NAMPT: variants seen among roughly 807,000 people sequenced by gnomAD.
NAMPT encodes nicotinamide phosphoribosyltransferase.
In NAMPT, 7 loss-of-function variants were observed where a neutral mutation model predicts 58.7. The observed-to-expected ratio is 0.12, with a 90% CI of 0.07 to 0.22. NAMPT has a LOEUF of 0.22. Among genes scored for constraint, NAMPT ranks in the 10% least tolerant of loss-of-function variants. The pLI is 1.00. For missense variants in NAMPT, 271 were observed against 567.9 expected, an observed-to-expected ratio of 0.48 and a Z score of 5.31; for synonymous variants, 145 against 198.1, an observed-to-expected ratio of 0.73 and a Z score of 2.25.
chr7:106,250,862 G>A lies in NAMPT; in HGVS notation c.*221C>T, dbSNP rs1377666148. ...GATTGAATGACTACCTATTGGCAAA[G>A]GGCCCTAAAAAGCTTACTTTAGCAC... is the stretch of plus-strand genomic sequence containing the variant. On this transcript the variant is annotated 3_prime_UTR_variant, in exon 11 of 11. Transcript: ENST00000222553. 6.0e-6 allele frequency: 3 copies of A among 499,870 alleles called. No individual in the cohort carries two copies. In the African/African-American group the frequency reaches 6.1e-5, roughly 10 times the overall value. The allele number at this position is 499,870 out of a possible 1,614,324, so 31.0% of individuals were successfully genotyped here.
At chr7:106,256,041 A>G (rs1177017839) in intron 8 of NAMPT, among the ~76,000 whole-genome samples, 3 of 152,214 alleles carry the variant, frequency 2.0e-5, no homozygotes, top group Non-Finnish European at 2.9e-5. Flanking sequence ...ATTTGGAGTT[A>G]AAGTGAATTT....
chr7:106,255,986 T>C (rs570555357), intron 8 of NAMPT, among the ~76,000 whole-genome samples: 119 of 152,338 alleles, frequency 7.8e-4, no homozygotes, highest in Non-Finnish European at 1.4e-3. Context: ...CATATCACTG[T>C]ATTTCAGGCC....
At chr7:106,257,654 C>T (rs1792226708) in intron 8 of NAMPT, among the ~76,000 whole-genome samples, 1 of 151,644 alleles carries the variant, frequency 6.6e-6, no homozygotes, top group Non-Finnish European at 1.5e-5. Flanking sequence ...ACATACATTC[C>T]TAAAGTTTAT....
intron 9 of NAMPT, 147 bp downstream of exon 9, chr7:106,254,217 C>T: frequency 7.7e-6 from 6 of 782,532 alleles, no homozygotes; most frequent in South Asian, 2.0e-5. Flanking sequence ...CCCTTCTTTC[C>T]TTGTTTCTGA....
At position 106,272,697 on chromosome 7, in the gene NAMPT, T is replaced by C. The variant is rs375886800; in HGVS notation, c.319-39A>G. On this transcript the variant is annotated intron_variant, in intron 3 of 10. Transcript: ENST00000222553. ...ATGATAAATTTATTTATTCAACAGATGATACTCAATTCCCTGCTGTTTTAC... is the reference window on the plus strand; with the variant it reads ...ATGATAAATTTATTTATTCAACAGACGATACTCAATTCCCTGCTGTTTTAC... 535 of 1,604,908 alleles carry C rather than the reference T, an allele frequency of 3.3e-4. 5 individuals are homozygous for C. The South Asian group carries it at 5.6e-3, about 17-fold the overall frequency.
At chr7:106,256,332 C>A (rs73720616) in intron 8 of NAMPT, among the ~76,000 whole-genome samples, 9,160 of 152,300 alleles carry the variant, frequency 0.06, 439 homozygotes, top group African/African-American at 0.13. Flanking sequence ...TTTACACTGT[C>A]AACCTCATGG....
intron 2 of NAMPT, 156 bp from the exon 3 acceptor site, chr7:106,275,205 C>T: frequency 2.3e-6 from 1 of 442,078 alleles, no homozygotes; most frequent in Non-Finnish European, 4.1e-6. Context: ...ACAGCAGAGT[C>T]AGAAAAGGAA....
chr7:106,256,769 T>C (rs1792208950), intron 8 of NAMPT, among the ~76,000 whole-genome samples: 1 of 152,216 alleles, frequency 6.6e-6, no homozygotes, highest in African/African-American at 2.4e-5. Flanking sequence ...TAAATGCATT[T>C]TCCACTTAAC....
intron 1 of NAMPT, 50 bp from the exon 2 acceptor site, chr7:106,277,229 A>T: frequency 7.0e-7 from 1 of 1,436,620 alleles, no homozygotes; most frequent in South Asian, 1.2e-5. Flanking sequence ...AGTAGACTAT[A>T]AATCACAACA....
At chr7:106,262,696 T>C (rs1337473795) in intron 7 of NAMPT, among the ~76,000 whole-genome samples, 4 of 152,168 alleles carry the variant, frequency 2.6e-5, no homozygotes, top group Non-Finnish European at 5.9e-5. Flanking sequence ...TTATCTTTCA[T>C]GTTGTGTGAC....
chr7:106,264,619 T>C (rs1179650715), intron 6 of NAMPT, among the ~76,000 whole-genome samples: 1 of 152,040 alleles, frequency 6.6e-6, no homozygotes, highest in Non-Finnish European at 1.5e-5. Flanking sequence ...GCTCAACCTG[T>C]GTAAATATTT....
In NAMPT at chr7:106,277,274, C is replaced by G. The variant is rs537194345; in HGVS notation, c.58-95G>C. ...TGAAGTTATTTCAAAACCAGAGAAA[C>G]TATATTTCTTGTTTGCTATTAACCA... On this transcript the variant is annotated intron_variant, in intron 1 of 10. Coordinates refer to ENST00000222553, the MANE Select transcript of NAMPT (RefSeq NM_005746.3). 2.8e-6 allele frequency: 3 copies of G among 1,061,554 alleles called. No homozygotes were observed. In the African/African-American group the frequency reaches 4.8e-5, roughly 17 times the overall value. The allele number at this position is 1,061,554 out of a possible 1,614,324, so 65.8% of individuals were successfully genotyped here. A position where few individuals can be genotyped will look rare whatever the true frequency, so the allele number is the denominator to read the frequency against.
Position 106,284,667 on chromosome 7 carries a change from C to T in NAMPT, c.57+161G>A, listed in dbSNP as rs927893054. ...GCCCACTGCGGCGCCTCCTCACCTG[C>T]CCCAGCCGCCGCCGCCCGCGCCTCC... On this transcript the variant is annotated intron_variant, in intron 1 of 10. Coordinates refer to ENST00000222553, the MANE Select transcript of NAMPT (RefSeq NM_005746.3). The T allele has an allele frequency of 1.1e-4, 94 of 850,202 alleles. No individual in the cohort carries two copies. In the African/African-American group the frequency reaches 1.5e-3, roughly 13 times the overall value. The allele number at this position is 850,202 out of a possible 1,614,324, so 52.7% of individuals were successfully genotyped here. A position where few individuals can be genotyped will look rare whatever the true frequency, so the allele number is the denominator to read the frequency against.
upstream of NAMPT, chr7:106,285,390 A>G: frequency 4.4e-6 from 2 of 457,904 alleles, no homozygotes; most frequent in Non-Finnish European, 5.8e-6. Flanking sequence ...TGCCAGTGCC[A>G]CGAGGAGCCG....
At chr7:106,279,739 T>C (rs907186534) in intron 1 of NAMPT, among the ~76,000 whole-genome samples, 3 of 152,102 alleles carry the variant, frequency 2.0e-5, no homozygotes, top group Admixed American at 1.3e-4. Flanking sequence ...AAAGGACTAA[T>C]AAGGGCTGAA....
intron 8 of NAMPT, among the ~76,000 whole-genome samples, chr7:106,258,159 C>T (rs976823781): frequency 1.3e-5 from 2 of 152,188 alleles, no homozygotes; most frequent in Admixed American, 6.5e-5. Flanking sequence ...ATTCCCACTT[C>T]TCTTAAGCAA....
chr7:106,285,692 C>T, upstream of NAMPT: 4 of 619,496 alleles, frequency 6.5e-6, no homozygotes, highest in Non-Finnish European at 8.1e-6. Context: ...ACTCCGCTTT[C>T]CTCCGGCGGC....
intron 2 of NAMPT, chr7:106,275,346 G>A (rs1207349717): frequency 5.6e-6 from 1 of 178,736 alleles, no homozygotes; most frequent in Non-Finnish European, 1.2e-5. Context: ...ATTAATTTTG[G>A]TACTTTTCAA....
At chr7:106,267,864 A>C (rs796391599) in intron 6 of NAMPT, among the ~76,000 whole-genome samples, 24 of 135,298 alleles carry the variant, frequency 1.8e-4, no homozygotes, top group African/African-American at 6.8e-4. Context: ...AAAAAAAAAA[A>C]AAAAAAAAAA....
Sources: gnomAD v4.1 joint callset for allele counts (sites outside exome capture counted in the v4.1 genomes callset) on GRCh38, gnomAD v4.1.1 for gene constraint, MANE v1.5 for transcripts, NCBI Gene and HGNC (gene_info 2026-07-23, HGNC 2026-07-21) for gene names.